Variants in RANBP1 observed in about 807,000 individuals in gnomAD.
RANBP1 encodes the protein RAN binding protein 1, also known as ran-specific GTPase-activating protein.
RANBP1 carries 16 observed loss-of-function variants against 31.4 expected under a neutral mutation model. The observed-to-expected ratio is 0.51, with a 90% confidence interval of 0.34 to 0.77. The LOEUF (loss-of-function observed/expected upper bound fraction) is 0.77. Ranked by LOEUF, RANBP1 falls within the 30% of genes least tolerant of loss-of-function variation. The pLI, the probability that RANBP1 is intolerant of heterozygous loss-of-function variation, is 0.01. For synonymous variants in RANBP1, 129 were observed against 140.5 expected, an observed-to-expected ratio of 0.92 and a Z score of 0.58; for missense variants, 265 against 362.0, an observed-to-expected ratio of 0.73 and a Z score of 2.17.
chr22:20,126,669 C>T (rs191751380), intron 5 of RANBP1: 14 of 1,510,142 alleles, frequency 9.3e-6, no homozygotes, highest in Admixed American at 6.0e-5. Context: ...GCTTGGTCAC[C>T]TCTGCCATGA....
chr22:20,125,220 T>G, intron 3 of RANBP1, 88 bp from the exon 4 acceptor site: 2 of 1,491,792 alleles, frequency 1.3e-6, no homozygotes, highest in Non-Finnish European at 1.9e-6. Context: ...ACCCCTCAGG[T>G]TGGTGAGCAG....
intron 3 of RANBP1, 153 bp downstream of exon 3, chr22:20,122,574 T>C (rs1224992499): frequency 6.5e-7 from 1 of 1,542,788 alleles, no homozygotes; most frequent in Admixed American, 2.0e-5. Context: ...GAAATACGTT[T>C]TTCAGACGTG....
In RANBP1 at chr22:20,126,967, A is replaced by G. The variant is rs372174173; in HGVS notation, c.752A>G (p.Asn251Ser). 1.9e-6 allele frequency: 3 copies of G among 1,613,318 alleles called. No individual in the cohort carries two copies. The highest frequency in any genetic ancestry group is 2.5e-6 in the Non-Finnish European group (3 of 1,179,670). The change falls in exon 6 of 6, where the codon AAT becomes AGT. Residue 251 changes from asparagine (N) to serine (S), a missense_variant. Asn to Ser is a conservative substitution (Grantham distance 46). Around this residue, in one of 3 missense-constraint regions of RANBP1, gnomAD observed 49 missense variants for 47.9 expected, o/e 1.02. Transcript: ENST00000430524. ...EREKKAGSGKNDHAEKVAEKL... is the reference protein window; with the variant it reads ...EREKKAGSGKSDHAEKVAEKL... ...GTGTTTTTAGCAGGATCAGGCAAAAATGATCATGCCGAAAAAGTGGCGGAA... is the reference window on the plus strand; with the variant it reads ...GTGTTTTTAGCAGGATCAGGCAAAAGTGATCATGCCGAAAAAGTGGCGGAA...
intron 2 of RANBP1, 123 bp from the exon 3 acceptor site, chr22:20,122,141 G>A (rs527769037): frequency 1.6e-4 from 176 of 1,078,126 alleles, no homozygotes; most frequent in Non-Finnish European, 2.2e-4. Context: ...GGAGCCTGAA[G>A]AAGGGCTGGG....
chr22:20,121,244 C>T (rs1207712452), intron 2 of RANBP1, among the ~76,000 whole-genome samples: 2 of 151,506 alleles, frequency 1.3e-5, no homozygotes, highest in African/African-American at 2.4e-5. Context: ...TGAGCCCCCG[C>T]GCCTGCTCTC....
At chr22:20,120,069 G>C (rs141660580) in intron 2 of RANBP1, among the ~76,000 whole-genome samples, 83 of 152,322 alleles carry the variant, frequency 5.4e-4, no homozygotes, top group African/African-American at 2.0e-3. Context: ...TGAGGTTGTA[G>C]TTTTTCCCTG....
Position 20,120,392 on chromosome 22 carries a change from T to C in RANBP1, c.383+1243T>C, listed in dbSNP as rs5992511. ...CTTGCCTCTGTTCCCTCACTGCCCA[T>C]GTCGGGTGGGAGGTGCTCCTGGTGG... On this transcript the variant is annotated intron_variant, in intron 2 of 5. Coordinates refer to ENST00000430524, the MANE Select transcript of RANBP1 (RefSeq NM_001278639.2). 7.7e-3 allele frequency among the ~76,000 whole-genome samples: 1,178 copies of C among 152,206 alleles called. 19 individuals are homozygous for C. The highest frequency in any genetic ancestry group is 0.026 in the African/African-American group (1,091 of 41,554).
At chr22:20,125,037 C>T (rs947546336) in intron 3 of RANBP1, 6 of 434,122 alleles carry the variant, frequency 1.4e-5, no homozygotes, top group South Asian at 6.8e-5. Flanking sequence ...AGGAGCTCCT[C>T]GTGGAGATGG....
At chr22:20,126,476 C>G (rs778556788) in intron 5 of RANBP1, 108 bp downstream of exon 5, 4 of 1,601,112 alleles carry the variant, frequency 2.5e-6, no homozygotes, top group Non-Finnish European at 2.6e-6. Flanking sequence ...TTCCAGGGTG[C>G]TGTGGCCGCC....
intron 5 of RANBP1, 188 bp from the exon 6 acceptor site, chr22:20,126,764 C>T (rs2050309716): frequency 1.5e-6 from 2 of 1,351,306 alleles, no homozygotes; most frequent in African/African-American, 2.9e-5. Flanking sequence ...GTGCATCCAC[C>T]TGGCTTCCTT....
chr22:20,117,959 A>C (rs1049662456), intron 1 of RANBP1: 3 of 1,005,808 alleles, frequency 3.0e-6, no homozygotes, highest in Admixed American at 1.2e-4. Flanking sequence ...CCCAGCCTCC[A>C]GGAACTGGTG....
At chr22:20,121,904 G>A (rs2050178760) in intron 2 of RANBP1, among the ~76,000 whole-genome samples, 1 of 138,574 alleles carries the variant, frequency 7.2e-6, no homozygotes, top group African/African-American at 2.7e-5. Context: ...ACACTCAGAT[G>A]ATTTTTGTAT....
chr22:20,126,922 G>T, intron 5 of RANBP1, 30 bp from the exon 6 acceptor site: 1 of 1,607,024 alleles, frequency 6.2e-7, no homozygotes, highest in Non-Finnish European at 8.5e-7. Context: ...CCGTGCTTCT[G>T]TTTTCTCACT....
At position 20,116,134 on chromosome 22, in the gene RANBP1, A is replaced by G. The variant is rs1473483441; in HGVS notation, c.-51A>G. Reference sequence around the variant, plus strand: ...CCATAGAGGGGTCACCACGTCGGCCACTCGTGTTACTGGTGGCTCACTCTC... The same window carrying G: ...CCATAGAGGGGTCACCACGTCGGCCGCTCGTGTTACTGGTGGCTCACTCTC... On this transcript the variant is annotated 5_prime_UTR_variant, in exon 1 of 6. Transcript: ENST00000430524. 1 of 1,612,742 alleles carries G rather than the reference A, an allele frequency of 6.2e-7. No homozygotes were observed. The highest frequency in any genetic ancestry group is 1.7e-5 in the Admixed American group (1 of 60,012).
intron 3 of RANBP1, among the ~76,000 whole-genome samples, chr22:20,123,097 G>T (rs556908185): frequency 7.8e-6 from 1 of 127,862 alleles, no homozygotes; most frequent in East Asian, 2.5e-4. Flanking sequence ...TGTGTATGTG[G>T]TGTCTGGGGG....
chr22:20,116,713 T>C, intron 1 of RANBP1: 2 of 1,440,202 alleles, frequency 1.4e-6, no homozygotes, highest in Non-Finnish European at 1.9e-6. Context: ...CGGTGCACTC[T>C]GCACTCAGCC....
rs563400621 is a variant in RANBP1, at chr22:20,125,481, G to T, written c.670+45G>T. 4.5e-6 allele frequency: 7 copies of T among 1,562,548 alleles called. No homozygotes were observed. The Admixed American group carries it at 9.6e-5, about 21-fold the overall frequency. On this transcript the variant is annotated intron_variant, in intron 4 of 5. Coordinates refer to ENST00000430524, the MANE Select transcript of RANBP1 (RefSeq NM_001278639.2). ...GACCTGCCTGACTTGGGGCTCACCTGCGTGGCAGCGTGGCGGGTTATGTGC... is the reference window on the plus strand; with the variant it reads ...GACCTGCCTGACTTGGGGCTCACCTTCGTGGCAGCGTGGCGGGTTATGTGC...
chr22:20,120,721 C>T (rs2050153228), intron 2 of RANBP1, among the ~76,000 whole-genome samples: 1 of 152,198 alleles, frequency 6.6e-6, no homozygotes, highest in Non-Finnish European at 1.5e-5. Flanking sequence ...GAGGCCTGGG[C>T]CTCTTCTCTG....
chr22:20,127,161 G>GT lies in RANBP1; in HGVS notation c.*111dup. 5 of 856,402 alleles carry GT rather than the reference G, an allele frequency of 5.8e-6. No homozygotes were observed. The South Asian group carries it at 7.9e-5, about 14-fold the overall frequency. The allele number at this position is 856,402 out of a possible 1,614,324, so 53.1% of individuals were successfully genotyped here. A position where few individuals can be genotyped will look rare whatever the true frequency, so the allele number is the denominator to read the frequency against. Reference sequence around the variant, plus strand: ...TTATTCTTTCATTTTTACAAGGGACGTTATATAAAGAACTGAACTCAACAT... The same window carrying GT: ...TTATTCTTTCATTTTTACAAGGGACGTTTATATAAAGAACTGAACTCAACAT... On this transcript the variant is annotated 3_prime_UTR_variant, in exon 6 of 6. Coordinates refer to ENST00000430524, the MANE Select transcript of RANBP1 (RefSeq NM_001278639.2).
Sources: allele counts gnomAD v4.1 joint callset (sites outside exome capture counted in the v4.1 genomes callset), GRCh38; gene constraint gnomAD v4.1.1; regional missense constraint gnomAD v4.1.1; transcripts MANE v1.5; gene names NCBI Gene and HGNC (gene_info 2026-07-23, HGNC 2026-07-21).